CEP128: variants seen among roughly 807,000 people sequenced by gnomAD.
CEP128 encodes the protein centrosomal protein 128.
In CEP128, 132 loss-of-function variants were observed where a neutral mutation model predicts 156.7. The observed-to-expected ratio is 0.84, with a 90% CI of 0.73 to 0.97. The LOEUF is 0.97. Ranked by LOEUF, CEP128 falls within the 50% of genes least tolerant of loss-of-function variation. CEP128 has a pLI of 0.00. For synonymous variants in CEP128, 469 were observed against 448.9 expected (o/e 1.04, Z -0.57); for missense variants, 1,252 against 1,281.9 (o/e 0.98, Z 0.36).
At chr14:80,958,629 G>C (rs74064771) in intron 1 of CEP128, among the ~76,000 whole-genome samples, 3 of 152,114 alleles carry the variant, frequency 2.0e-5, no homozygotes, top group Admixed American at 6.5e-5. Flanking sequence ...GAAAGACTAA[G>C]TTAGTCTTTC....
At chr14:80,850,825 T>C (rs1172163016) in intron 9 of CEP128, among the ~76,000 whole-genome samples, 1 of 152,178 alleles carries the variant, frequency 6.6e-6, no homozygotes, top group East Asian at 1.9e-4. Flanking sequence ...ATATCAAAAA[T>C]CCAGCTGTCT....
At chr14:80,507,946 G>A (rs533123239) in intron 23 of CEP128, among the ~76,000 whole-genome samples, 14 of 152,174 alleles carry the variant, frequency 9.2e-5, no homozygotes, top group African/African-American at 2.2e-4. Flanking sequence ...ACAGAGTCTC[G>A]CTCTGTTGCC....
intron 19 of CEP128, among the ~76,000 whole-genome samples, chr14:80,628,467 A>T (rs1393572995): frequency 6.6e-6 from 1 of 152,358 alleles, no homozygotes; most frequent in Non-Finnish European, 1.5e-5. Flanking sequence ...AACTAATTTC[A>T]AACTATGAAC....
intron 19 of CEP128, among the ~76,000 whole-genome samples, chr14:80,621,891 T>C (rs1893494510): frequency 6.6e-6 from 1 of 152,180 alleles, no homozygotes; most frequent in African/African-American, 2.4e-5. Context: ...ACAATTCCTG[T>C]TAGTGACTGT....
intron 21 of CEP128, among the ~76,000 whole-genome samples, chr14:80,535,251 T>C (rs1224451977): frequency 2.0e-5 from 3 of 152,214 alleles, no homozygotes; most frequent in African/African-American, 7.2e-5. Flanking sequence ...CCGGAGAGTG[T>C]AAATAACTTC....
intron 21 of CEP128, among the ~76,000 whole-genome samples, chr14:80,541,855 G>A (rs1487191115): frequency 6.6e-6 from 1 of 152,176 alleles, no homozygotes; most frequent in African/African-American, 2.4e-5. Flanking sequence ...TGACAGTTAA[G>A]AGCTTGGGCT....
intron 9 of CEP128, among the ~76,000 whole-genome samples, chr14:80,855,994 T>C (rs535427536): frequency 6.6e-6 from 1 of 152,294 alleles, no homozygotes; most frequent in Admixed American, 6.5e-5. Context: ...ATTACATTTC[T>C]GGACAAAAAT....
chr14:80,926,638 T>A (rs915302122), intron 2 of CEP128, among the ~76,000 whole-genome samples: 3 of 152,098 alleles, frequency 2.0e-5, no homozygotes, highest in Non-Finnish European at 4.4e-5. Flanking sequence ...CCTGAGACAC[T>A]AGAATACCTC....
intron 8 of CEP128, among the ~76,000 whole-genome samples, chr14:80,888,201 C>T (rs994713947): frequency 5.9e-5 from 9 of 152,284 alleles, no homozygotes; most frequent in African/African-American, 2.2e-4. Flanking sequence ...ACCAGAGGTA[C>T]AAAGAGGAGC....
intron 19 of CEP128, among the ~76,000 whole-genome samples, chr14:80,609,555 C>T (rs1892914195): frequency 6.6e-6 from 1 of 152,064 alleles, no homozygotes; most frequent in Admixed American, 6.6e-5. Flanking sequence ...TCCCTTGGGC[C>T]AAGAACACAT....
At chr14:80,650,698 C>A (rs1003117219) in intron 19 of CEP128, among the ~76,000 whole-genome samples, 9 of 152,080 alleles carry the variant, frequency 5.9e-5, no homozygotes, top group Non-Finnish European at 1.0e-4. Context: ...GTCATTGGTT[C>A]TGTTTATGTG....
chr14:80,479,861 T>C (rs918907320), intron 14 of CEP128, among the ~76,000 whole-genome samples: 1 of 152,104 alleles, frequency 6.6e-6, no homozygotes, highest in Admixed American at 6.5e-5. Context: ...CTAGATACAA[T>C]AGGAGTTCAG....
rs551135400 is a variant in CEP128 at position 80,809,988 on chromosome 14, GACA to G, written c.1210-16881_1210-16879del. Among the ~76,000 whole-genome samples, 9 of 151,702 alleles carry G rather than the reference GACA, an allele frequency of 5.9e-5. No individual in the cohort carries two copies. The South Asian group carries it at 1.9e-3, about 32-fold the overall frequency. On this transcript the variant is annotated intron_variant, in intron 13 of 24. Transcript: ENST00000555265. ...CCACAGAAAATCAGCAAACCACAAG[GACA>G]ACAACAAGGACAATAAGCAAAAAAG...
chr14:80,793,820 A>C (rs1232741602), intron 13 of CEP128, among the ~76,000 whole-genome samples: 2 of 152,212 alleles, frequency 1.3e-5, no homozygotes, highest in African/African-American at 4.8e-5. Context: ...AAATTACACT[A>C]AATCATCATG....
intron 17 of CEP128, 81 bp from the exon 18 acceptor site, chr14:80,757,032 T>C (rs1283470367): frequency 5.4e-6 from 5 of 932,854 alleles, no homozygotes; most frequent in South Asian, 3.4e-5. Flanking sequence ...CACCACAGTA[T>C]CCAAAAGTTT....
chr14:80,690,105 T>A, intron 19 of CEP128, among the ~76,000 whole-genome samples: 1 of 152,022 alleles, frequency 6.6e-6, no homozygotes, highest in East Asian at 1.9e-4. Flanking sequence ...CCAAGCTTAG[T>A]TACTCAAGAA....
chr14:80,760,760 T>C (rs1236513179), intron 17 of CEP128, among the ~76,000 whole-genome samples: 1 of 152,144 alleles, frequency 6.6e-6, no homozygotes, highest in African/African-American at 2.4e-5. Flanking sequence ...ATCACTTCTG[T>C]GTTTATTTAT....
At chr14:80,684,707 A>G (rs1462351782) in intron 19 of CEP128, among the ~76,000 whole-genome samples, 2 of 152,086 alleles carry the variant, frequency 1.3e-5, no homozygotes, top group Non-Finnish European at 2.9e-5. Flanking sequence ...TCAAAAAAAA[A>G]AAAAAGCAAA....
In CEP128 at chr14:80,857,253, T is replaced by C. The variant is rs150272667; in HGVS notation, c.762+5504A>G. ...TTTACAGTTTTTTTTTTGTTGTGTG[T>C]TTACAGTCTACATACCTCTTTCCCA... On this transcript the variant is annotated intron_variant, in intron 9 of 24. Coordinates refer to ENST00000555265, the MANE Select transcript of CEP128 (RefSeq NM_152446.5). Among the ~76,000 whole-genome samples, 796 of 150,802 alleles carry C rather than the reference T, an allele frequency of 5.3e-3. 4 individuals are homozygous for C. Among genetic ancestry groups the C allele is most frequent in the African/African-American group, 0.018 (741 of 41,004 alleles).
Sources: allele counts gnomAD v4.1 joint callset (sites outside exome capture counted in the v4.1 genomes callset), GRCh38; gene constraint gnomAD v4.1.1; transcripts MANE v1.5; gene names NCBI Gene and HGNC (gene_info 2026-07-23, HGNC 2026-07-21).